The following RPL12 variants were observed in gnomAD, a reference collection of about 807,000 sequenced individuals.
The protein encoded by RPL12 is large ribosomal subunit protein uL11.
RPL12 carries 10 observed loss-of-function variants against 24.5 expected under a neutral mutation model. The ratio of observed to expected loss-of-function variants is 0.41; its 90% confidence interval spans 0.25 to 0.69. The LOEUF (loss-of-function observed/expected upper bound fraction) is 0.69, where lower values mean the gene tolerates loss of function less well. Among genes scored for constraint, RPL12 ranks in the 30% least tolerant of loss-of-function variants. The pLI is 0.33. For missense variants in RPL12, 137 were observed against 205.3 expected (o/e 0.67, Z 2.03); for synonymous variants, 74 against 76.1 (o/e 0.97, Z 0.14).
intron 1 of RPL12, chr9:127,451,058 G>T (rs1039987186): frequency 1.5e-6 from 1 of 669,002 alleles, no homozygotes; most frequent in Admixed American, 3.0e-5. Flanking sequence ...ACCCTAGGGC[G>T]TGCGGGCTCC....
In RPL12 at chr9:127,449,720, G is replaced by C; in HGVS notation, c.112-12C>G. 6.2e-7 allele frequency: 1 copy of C among 1,604,022 alleles called. No homozygotes were observed. The highest frequency in any genetic ancestry group is 8.5e-7 in the Non-Finnish European group (1 of 1,173,466). On this transcript the variant is annotated splice_polypyrimidine_tract_variant and intron_variant, in intron 2 of 6. Transcript: ENST00000361436. ...ACTTTTTTTGGAGACTAGAAATAAA[G>C]GCATGTAATCAACATGGTGTCCAGA... is the stretch of plus-strand genomic sequence containing the variant.
rs192211099 is a variant in RPL12 at position 127,450,813 on chromosome 9, A to G, written c.38-9T>C. The G allele has an allele frequency of 5.1e-5, 79 of 1,557,706 alleles. No individual in the cohort carries two copies. Among genetic ancestry groups the G allele is most frequent in the Non-Finnish European group, 6.9e-5 (79 of 1,152,548 alleles). ...GGTGCACCTCAGGTATACTGGGGGAAAAGAAGAGTTAGTGTCTGTGCAGAG... is the reference window on the plus strand; with the variant it reads ...GGTGCACCTCAGGTATACTGGGGGAGAAGAAGAGTTAGTGTCTGTGCAGAG... On this transcript the variant is annotated splice_polypyrimidine_tract_variant and intron_variant, in intron 1 of 6. Coordinates refer to ENST00000361436, the MANE Select transcript of RPL12 (RefSeq NM_000976.4).
At chr9:127,450,864 G>C (rs1215990499) in intron 1 of RPL12, 60 bp from the exon 2 acceptor site, 3 of 1,310,840 alleles carry the variant, frequency 2.3e-6, no homozygotes, top group Admixed American at 2.3e-5. Flanking sequence ...AGCCCTCTCA[G>C]CGTCTTTCCG....
chr9:127,447,962 G>A lies in RPL12; in HGVS notation c.407C>T (p.Ala136Val), dbSNP rs757949472. 1.8e-5 allele frequency: 29 copies of A among 1,612,956 alleles called. No individual in the cohort carries two copies. Among genetic ancestry groups the A allele is most frequent in the Non-Finnish European group, 2.5e-5 (29 of 1,179,716 alleles). Residue 136 changes from alanine to valine, a missense_variant, in exon 6 of 7, where the codon GCC becomes GTC. Physicochemically the swap from Ala to Val is moderately conservative, Grantham distance 64 (BLOSUM62 0). Transcript: ENST00000361436. The stretch of plus-strand genomic sequence containing the variant: ...ATCAACATTACAGCCCACTGACTGG[G>A]CAGTCCCCAGGATCTCTTTAATGGT... ...SGTIKEILGT[A>V]QSVGCNVDGR...
In RPL12 at chr9:127,449,294, C is replaced by G; in HGVS notation, c.279G>C (p.Lys93Asn). The G allele has an allele frequency of 6.2e-7, 1 of 1,612,734 alleles. No homozygotes were observed. The highest frequency in any genetic ancestry group is 8.5e-7 in the Non-Finnish European group (1 of 1,179,834). ...KALKEPPRDR[K>N]KQKNIKHSGN... ...AAGACAACTTACTGTTTTTCTGTTTCTTTCTGTCTCTTGGTGGTTCCTTGA... is the reference window on the plus strand; with the variant it reads ...AAGACAACTTACTGTTTTTCTGTTTGTTTCTGTCTCTTGGTGGTTCCTTGA... Residue 93 changes from lysine to asparagine, a missense_variant, in exon 4 of 7, where the codon AAG becomes AAC. Physicochemically the swap from Lys to Asn is moderately conservative, Grantham distance 94 (BLOSUM62 0). This residue lies in a region of RPL12 where 118 missense variants were observed against 160.7 expected (regional missense o/e 0.73). Transcript: ENST00000361436.
chr9:127,451,146 G>T lies in RPL12; in HGVS notation c.37+135C>A, dbSNP rs1022855207. 139 of 1,222,818 alleles carry T rather than the reference G, an allele frequency of 1.1e-4. 1 individual carries two copies. In the Admixed American group the frequency reaches 2.2e-3, roughly 20 times the overall value. The allele number at this position is 1,222,818 out of a possible 1,614,324, so 75.7% of individuals were successfully genotyped here. ...TAAGGCCCAGAAAGGCTGAGGCTTG[G>T]CCGGGGCGGCGCAACACCGGGAAGG... On this transcript the variant is annotated intron_variant, in intron 1 of 6. Transcript: ENST00000361436.
chr9:127,448,925 G>A (rs1588083677), intron 4 of RPL12, among the ~76,000 whole-genome samples: 1 of 151,372 alleles, frequency 6.6e-6, no homozygotes, highest in Non-Finnish European at 1.5e-5. Context: ...TCCACCTCCT[G>A]GGTTCGAGTG....
intron 2 of RPL12, chr9:127,450,041 C>T (rs901617894): frequency 7.9e-6 from 2 of 253,466 alleles, no homozygotes; most frequent in African/African-American, 4.4e-5. Context: ...CGTCCATCTT[C>T]CTGGATGGAG....
At chr9:127,449,211 A>G in intron 4 of RPL12, 70 bp downstream of exon 4, 2 of 1,323,744 alleles carry the variant, frequency 1.5e-6, no homozygotes, top group Non-Finnish European at 2.1e-6. Context: ...CTTTAAGGGA[A>G]AACACAGCCA....
At chr9:127,448,076 G>A (rs1834203870) in intron 5 of RPL12, 87 bp from the exon 6 acceptor site, 2 of 1,446,816 alleles carry the variant, frequency 1.4e-6, no homozygotes, top group Non-Finnish European at 1.9e-6. Context: ...GGGGTTCATA[G>A]CAGGCAATGG....
intron 3 of RPL12, 33 bp from the exon 4 acceptor site, chr9:127,449,395 C>G (rs1286660400): frequency 1.9e-6 from 3 of 1,580,330 alleles, no homozygotes; most frequent in African/African-American, 1.3e-5. Context: ...AATACTCCAC[C>G]TCCAGTGAAT....
Position 127,449,272 on chromosome 9 carries a change from A to G in RPL12, c.292+9T>C. ...TTACCAAAACCAAACTAGGGAAAAG[A>G]CAACTTACTGTTTTTCTGTTTCTTT... On this transcript the variant is annotated intron_variant, in intron 4 of 6. Transcript: ENST00000361436. The G allele has an allele frequency of 6.2e-7, 1 of 1,610,898 alleles. No homozygotes were observed. Among genetic ancestry groups the G allele is most frequent in the Non-Finnish European group, 8.5e-7 (1 of 1,178,760 alleles).
chr9:127,450,818 A>T lies in RPL12; in HGVS notation c.38-14T>A. On this transcript the variant is annotated splice_polypyrimidine_tract_variant and intron_variant, in intron 1 of 6. Transcript: ENST00000361436. ...ACCTCAGGTATACTGGGGGAAAAGA[A>T]GAGTTAGTGTCTGTGCAGAGGGAGC... 6.4e-7 allele frequency: 1 copy of T among 1,550,700 alleles called. No homozygotes were observed. Among genetic ancestry groups the T allele is most frequent in the Non-Finnish European group, 8.7e-7 (1 of 1,147,352 alleles).
At chr9:127,449,554 AG>A (rs965664551) in intron 3 of RPL12, 55 bp downstream of exon 3, 8 of 1,497,630 alleles carry the variant, frequency 5.3e-6, no homozygotes, top group Non-Finnish European at 6.5e-6. Flanking sequence ...GGAATCCCAG[AG>A]GGTTGCTACC....
intron 5 of RPL12, among the ~76,000 whole-genome samples, 156 bp downstream of exon 5, chr9:127,448,181 A>G (rs1834205697): frequency 6.6e-6 from 1 of 152,208 alleles, no homozygotes; most frequent in African/African-American, 2.4e-5. Flanking sequence ...CTTGATGCCC[A>G]GATTAAACAC....
intron 2 of RPL12, 62 bp downstream of exon 2, chr9:127,450,669 A>T: frequency 7.6e-7 from 1 of 1,321,374 alleles, no homozygotes; most frequent in Non-Finnish European, 1.0e-6. Flanking sequence ...GCGTGACTCC[A>T]CGAGCCGGCG....
At chr9:127,448,450 C>T (rs749915174) in intron 4 of RPL12, 27 bp from the exon 5 acceptor site, 2 of 1,474,640 alleles carry the variant, frequency 1.4e-6, no homozygotes, top group Admixed American at 3.3e-5. Flanking sequence ...AGCAAAAGCT[C>T]TTTTAAAGTC....
rs1388628601 is a variant in RPL12 at position 127,451,314 on chromosome 9, G to A, written c.4C>T (p.Pro2Ser). ...ATCTCGTTGGGGTCGAACTTCGGCGGCATGGTGGAGGCGGCTGGTGTCGGA... is the reference window on the plus strand; with the variant it reads ...ATCTCGTTGGGGTCGAACTTCGGCGACATGGTGGAGGCGGCTGGTGTCGGA... MPPKFDPNEIKV... is the reference protein window; with the variant it reads MSPKFDPNEIKV... The change falls in exon 1 of 7, where the codon CCG becomes TCG. Residue 2 changes from proline to serine, a missense_variant. By Grantham distance (74) the Pro-to-Ser change is moderately conservative. This residue lies in a region of RPL12 where 18 missense variants were observed against 27.1 expected (regional missense o/e 0.67). Transcript: ENST00000361436. 6.2e-7 allele frequency: 1 copy of A among 1,612,762 alleles called. No homozygotes were observed. Among genetic ancestry groups the A allele is most frequent in the Admixed American group, 1.7e-5 (1 of 60,024 alleles).
chr9:127,448,284 T>C, intron 5 of RPL12, 53 bp downstream of exon 5: 1 of 1,383,438 alleles, frequency 7.2e-7, no homozygotes, highest in Non-Finnish European at 1.0e-6. Flanking sequence ...ATGTTATCAC[T>C]CAGTGAAAAA....
Sources: allele counts gnomAD v4.1 joint callset (sites outside exome capture counted in the v4.1 genomes callset), GRCh38; gene constraint gnomAD v4.1.1; regional missense constraint gnomAD v4.1.1; transcripts MANE v1.5; gene names NCBI Gene and HGNC (gene_info 2026-07-23, HGNC 2026-07-21).